Variants in NUP205 observed in about 807,000 individuals in gnomAD.
NUP205 encodes nuclear pore complex protein Nup205.
A neutral mutation model predicts 253.8 loss-of-function variants in NUP205; 76 were observed. The ratio of observed to expected loss-of-function variants is 0.30; its 90% CI spans 0.25 to 0.36. The LOEUF (loss-of-function observed/expected upper bound fraction) is 0.36, where lower values mean the gene tolerates loss of function less well. Among genes scored for constraint, NUP205 ranks in the 10% least tolerant of loss-of-function variants. The pLI is 1.00. For synonymous variants in NUP205, 832 were observed against 850.1 expected (o/e 0.98, Z 0.37); for missense variants, 2,162 against 2,425.5 (o/e 0.89, Z 2.28).
chr7:135,629,670 G>C (rs1794670034), intron 34 of NUP205, among the ~76,000 whole-genome samples: 1 of 151,976 alleles, frequency 6.6e-6, no homozygotes. Flanking sequence ...GGAATTACAG[G>C]TGTGCACCAC....
chr7:135,567,951 C>T (rs1182403196), intron 1 of NUP205, among the ~76,000 whole-genome samples: 8 of 152,052 alleles, frequency 5.3e-5, no homozygotes, highest in South Asian at 2.1e-4. Context: ...AGGGGCCGGG[C>T]GCCGTGGCTC....
In NUP205 at chr7:135,648,460, C is replaced by T. The variant is rs1356322668; in HGVS notation, c.5943C>T (p.Asp1981=). 1.2e-6 allele frequency: 2 copies of T among 1,607,168 alleles called. No homozygotes were observed. The highest frequency in any genetic ancestry group is 1.7e-6 in the Non-Finnish European group (2 of 1,177,816). ...AATCACTACAAAAGAAACTTCTGGACATTGAAGGATTATATTCAAAAGTTC... is the reference window on the plus strand; with the variant it reads ...AATCACTACAAAAGAAACTTCTGGATATTGAAGGATTATATTCAAAAGTTC... ...FGESLQKKLL[D]IEGLYSKVRS... The change falls in exon 43 of 43, where the codon GAC becomes GAT. Residue 1981 remains aspartate (D), a synonymous_variant. Transcript: ENST00000285968.
At chr7:135,608,603 G>A (rs1794139531) in intron 22 of NUP205, among the ~76,000 whole-genome samples, 1 of 152,034 alleles carries the variant, frequency 6.6e-6, no homozygotes, top group Non-Finnish European at 1.5e-5. Context: ...AGCTACTTGG[G>A]AGGCTGGGGC....
At chr7:135,561,064 G>C (rs570069893) in intron 1 of NUP205, among the ~76,000 whole-genome samples, 2 of 152,286 alleles carry the variant, frequency 1.3e-5, no homozygotes, top group South Asian at 4.1e-4. Flanking sequence ...CCTATGGTTG[G>C]CCAGGTGTGG....
chr7:135,598,072 T>A lies in NUP205; in HGVS notation c.2139T>A (p.Thr713=), dbSNP rs568776011. The A allele has an allele frequency of 5.6e-6, 9 of 1,614,134 alleles. No homozygotes were observed. The East Asian group carries it at 8.9e-5, about 16-fold the overall frequency. ...LTRAFCQLIS[T]LVESSFPSNL... The stretch of plus-strand genomic sequence containing the variant: ...GGGCCTTTTGCCAGCTTATTAGTAC[T>A]CTGGTGGAGAGCTCATTTCCTTCTA... Residue 713 remains threonine (T), a synonymous_variant, in exon 15 of 43, where the codon ACT becomes ACA. Coordinates refer to ENST00000285968, the MANE Select transcript of NUP205 (RefSeq NM_015135.3).
At position 135,615,901 on chromosome 7, in the gene NUP205, A is replaced by G. The variant is rs750157012; in HGVS notation, c.3311-15A>G. The stretch of plus-strand genomic sequence containing the variant: ...TATTACTCTGGGAAACAAAATTTAC[A>G]TGTTTAAATTCTAGAATATGAAATA... On this transcript the variant is annotated splice_polypyrimidine_tract_variant and intron_variant, in intron 23 of 42. Transcript: ENST00000285968. 2 of 1,596,732 alleles carry G rather than the reference A, an allele frequency of 1.3e-6. No homozygotes were observed. The highest frequency in any genetic ancestry group is 2.3e-5 in the South Asian group (2 of 88,796).
At chr7:135,565,706 A>G (rs73452442) in intron 1 of NUP205, among the ~76,000 whole-genome samples, 6,453 of 152,182 alleles carry the variant, frequency 0.042, 471 homozygotes, top group African/African-American at 0.15. Flanking sequence ...CCATTTTCTT[A>G]TAAGTGGCTT....
intron 22 of NUP205, among the ~76,000 whole-genome samples, chr7:135,613,041 G>C (rs1025423686): frequency 6.6e-6 from 1 of 151,248 alleles, no homozygotes; most frequent in African/African-American, 2.4e-5. Flanking sequence ...AGCTGTGATT[G>C]CACCACTGTA....
intron 7 of NUP205, 41 bp from the exon 8 acceptor site, chr7:135,584,791 G>T: frequency 6.4e-7 from 1 of 1,573,292 alleles, no homozygotes; most frequent in South Asian, 1.1e-5. Flanking sequence ...CTGGGTTAAT[G>T]ACTTTTCCTC....
chr7:135,627,091 G>A (rs1299118114), intron 33 of NUP205, among the ~76,000 whole-genome samples: 2 of 152,080 alleles, frequency 1.3e-5, no homozygotes, highest in African/African-American at 4.8e-5. Context: ...AAAGTGGGTT[G>A]AGTTAAATAC....
chr7:135,600,158 A>AT (rs935902564), intron 15 of NUP205, among the ~76,000 whole-genome samples: 1 of 152,146 alleles, frequency 6.6e-6, no homozygotes, highest in African/African-American at 2.4e-5. Flanking sequence ...TATGTAGTGG[A>AT]TTTTTTAAAC....
intron 3 of NUP205, among the ~76,000 whole-genome samples, chr7:135,575,746 C>T (rs913427496): frequency 3.3e-5 from 5 of 151,980 alleles, no homozygotes; most frequent in South Asian, 4.1e-4. Context: ...AGTGAGATCA[C>T]GCCACTGCAC....
chr7:135,578,359 T>C (rs940607554), intron 6 of NUP205, among the ~76,000 whole-genome samples: 2 of 152,246 alleles, frequency 1.3e-5, no homozygotes, highest in African/African-American at 2.4e-5. Flanking sequence ...TCTGAGACAG[T>C]GACTGTCATT....
chr7:135,613,124 T>C (rs777641175), intron 22 of NUP205, among the ~76,000 whole-genome samples: 5 of 151,872 alleles, frequency 3.3e-5, no homozygotes, highest in South Asian at 2.1e-4. Context: ...ATATGATACC[T>C]ACCTATTATC....
At chr7:135,578,984 A>C (rs895988761) in intron 7 of NUP205, 69 bp downstream of exon 7, 5 of 1,292,188 alleles carry the variant, frequency 3.9e-6, no homozygotes, top group African/African-American at 1.5e-5. Flanking sequence ...TTTTGGAAGG[A>C]GTATTATCTT....
At chr7:135,585,038 G>A (rs1806419211) in intron 8 of NUP205, 31 bp downstream of exon 8, 4 of 1,494,158 alleles carry the variant, frequency 2.7e-6, no homozygotes, top group Admixed American at 2.1e-5. Context: ...TGAGTAAATA[G>A]TAGAAGAATT....
chr7:135,597,462 G>C, intron 14 of NUP205, 44 bp downstream of exon 14: 1 of 1,137,872 alleles, frequency 8.8e-7, no homozygotes, highest in Non-Finnish European at 1.3e-6. Flanking sequence ...ATTCATGCAT[G>C]TAATGATAAG....
chr7:135,573,513 G>A, intron 2 of NUP205, 141 bp from the exon 3 acceptor site: 1 of 558,126 alleles, frequency 1.8e-6, no homozygotes, highest in Non-Finnish European at 3.1e-6. Context: ...ATAAAAGTCT[G>A]TTCTAAATTA....
intron 1 of NUP205, 151 bp downstream of exon 1, chr7:135,558,123 C>T (rs1805481514): frequency 1.4e-6 from 1 of 705,200 alleles, no homozygotes; most frequent in Non-Finnish European, 2.6e-6. Flanking sequence ...CCACCCCTCC[C>T]CAGTTTGAAT....
Sources: allele counts gnomAD v4.1 joint callset (sites outside exome capture counted in the v4.1 genomes callset), GRCh38; gene constraint gnomAD v4.1.1; transcripts MANE v1.5; gene names NCBI Gene and HGNC (gene_info 2026-07-23, HGNC 2026-07-21).